PDE3B: variants seen among roughly 807,000 people sequenced by gnomAD.
The protein encoded by PDE3B is cGMP-inhibited 3',5'-cyclic phosphodiesterase 3B.
Under a neutral mutation model 116.8 loss-of-function variants are expected in PDE3B, and 66 were observed. The observed-to-expected ratio is 0.56, with a 90% CI of 0.46 to 0.69. PDE3B has a LOEUF of 0.69. Among genes scored for constraint, PDE3B ranks in the 30% least tolerant of loss-of-function variants. The probability of loss-of-function intolerance (pLI) is 0.00; values close to 1 mark genes in which losing one functional copy is unlikely to be tolerated. For missense variants in PDE3B, 1,384 were observed against 1,368.1 expected (o/e 1.01, Z -0.18); for synonymous variants, 595 against 533.6 (o/e 1.12, Z -1.59).
intron 2 of PDE3B, chr11:14,775,361 A>G (rs994361496): frequency 6.6e-6 from 1 of 152,128 alleles, no homozygotes; most frequent in African/African-American, 2.4e-5. Flanking sequence ...CATTTTGTGC[A>G]GTACACTTCC....
In PDE3B at chr11:14,867,747, A is replaced by G; in HGVS notation, c.3128A>G (p.Asn1043Ser). The G allele has an allele frequency of 6.2e-7, 1 of 1,605,764 alleles. No homozygotes were observed. Among genetic ancestry groups the G allele is most frequent in the Non-Finnish European group, 8.5e-7 (1 of 1,172,530 alleles). The change falls in exon 15 of 16, where the codon AAT becomes AGT. Residue 1043 changes from asparagine to serine, a missense_variant. By Grantham distance (46) the Asn-to-Ser change is conservative. Around this residue, in one of 2 missense-constraint regions of PDE3B, gnomAD observed 428 missense variants for 561.4 expected, o/e 0.76. Coordinates refer to ENST00000282096, the MANE Select transcript of PDE3B (RefSeq NM_000922.4). ...ACAGAAGATGAAGAAATGGAAAACA[A>G]TCTAAATCCAAGTAAGAATATAGGG... ...LDTEDEEMEN[N>S]LNPKPPRRKS...
At chr11:14,680,258 G>T (rs1435440759) in intron 1 of PDE3B, among the ~76,000 whole-genome samples, 1 of 152,168 alleles carries the variant, frequency 6.6e-6, no homozygotes, top group Non-Finnish European at 1.5e-5. Context: ...TTTGGCCCCA[G>T]TATTGTTTGG....
rs534720682 is a variant in PDE3B at position 14,787,474 on chromosome 11, T to C, written c.1278+789T>C. Among the ~76,000 whole-genome samples, 3 of 152,076 alleles carry C rather than the reference T, an allele frequency of 2.0e-5. No individual in the cohort carries two copies. In the South Asian group the frequency reaches 6.2e-4, roughly 32 times the overall value. On this transcript the variant is annotated intron_variant, in intron 3 of 15. Transcript: ENST00000282096. ...TTAATTTTGTCAATTGTAATAATGC[T>C]TATAGAACTTAGAAATAGGTAAATA...
the PDE3B span, chr11:14,891,674 C>CG: frequency 1.7e-6 from 2 of 1,164,060 alleles, no homozygotes; most frequent in Admixed American, 4.7e-5. Flanking sequence ...GCGCGGCTGG[C>CG]GAGCCAAACG....
At chr11:14,836,321 A>T (rs1860051941) in intron 11 of PDE3B, among the ~76,000 whole-genome samples, 1 of 151,856 alleles carries the variant, frequency 6.6e-6, no homozygotes, top group Non-Finnish European at 1.5e-5. Flanking sequence ...ATATTGAGAA[A>T]TATAATATAT....
intron 1 of PDE3B, among the ~76,000 whole-genome samples, chr11:14,658,414 T>C (rs1853780776): frequency 6.6e-6 from 1 of 152,182 alleles, no homozygotes; most frequent in African/African-American, 2.4e-5. Flanking sequence ...TGAAGTGCAA[T>C]GGCACTATCT....
At chr11:14,760,707 G>A (rs1327685688) in intron 1 of PDE3B, among the ~76,000 whole-genome samples, 6 of 151,930 alleles carry the variant, frequency 3.9e-5, no homozygotes, top group Admixed American at 6.6e-5. Context: ...ATTCTCTTTC[G>A]CATTGCTTAG....
chr11:14,683,665 C>G (rs1854781079), intron 1 of PDE3B, among the ~76,000 whole-genome samples: 1 of 151,824 alleles, frequency 6.6e-6, no homozygotes. Flanking sequence ...TGTTATCACT[C>G]TTATTGATGG....
chr11:14,673,870 A>T (rs2133784801), intron 1 of PDE3B: 2 of 1,418,710 alleles, frequency 1.4e-6, no homozygotes, highest in Non-Finnish European at 1.0e-6. Flanking sequence ...TGGGTGCCCA[A>T]CATTACGTTG....
intron 5 of PDE3B, among the ~76,000 whole-genome samples, chr11:14,812,526 G>C (rs976167074): frequency 6.6e-6 from 1 of 152,092 alleles, no homozygotes; most frequent in Non-Finnish European, 1.5e-5. Flanking sequence ...TTAAAAATCT[G>C]TTAAGCTTAC....
In PDE3B at chr11:14,749,125, G is replaced by A. The variant is rs867141768; in HGVS notation, c.979-22812G>A. Among the ~76,000 whole-genome samples, 7 of 152,280 alleles carry A rather than the reference G, an allele frequency of 4.6e-5. No homozygotes were observed. The South Asian group carries it at 1.4e-3, about 32-fold the overall frequency. On this transcript the variant is annotated intron_variant, in intron 1 of 15. Coordinates refer to ENST00000282096, the MANE Select transcript of PDE3B (RefSeq NM_000922.4). The stretch of plus-strand genomic sequence containing the variant: ...GCTGGTGTCAAACTCTTGGCCTCAA[G>A]TGATGCACCTGCCTCGGCTTCCCAA...
chr11:14,815,683 C>T (rs1271736028), intron 5 of PDE3B, among the ~76,000 whole-genome samples: 1 of 151,976 alleles, frequency 6.6e-6, no homozygotes, highest in Non-Finnish European at 1.5e-5. Context: ...AGAAGCTAGT[C>T]ACAGGTGTTT....
chr11:14,824,130 A>G (rs1859613708), intron 7 of PDE3B, among the ~76,000 whole-genome samples: 1 of 152,176 alleles, frequency 6.6e-6, no homozygotes, highest in Non-Finnish European at 1.5e-5. Context: ...ACTCTAGCAC[A>G]AACACGCTGT....
intron 1 of PDE3B, among the ~76,000 whole-genome samples, chr11:14,714,148 C>A (rs1328073455): frequency 6.6e-6 from 1 of 151,822 alleles, no homozygotes; most frequent in African/African-American, 2.4e-5. Flanking sequence ...GTTAATCTAA[C>A]CTGAGATCAT....
At position 14,733,496 on chromosome 11, in the gene PDE3B, G is replaced by C. The variant is rs113665340; in HGVS notation, c.979-38441G>C. Among the ~76,000 whole-genome samples, 877 of 152,242 alleles carry C rather than the reference G, an allele frequency of 5.8e-3. 10 individuals carry two copies. The highest frequency in any genetic ancestry group is 0.02 in the African/African-American group (849 of 41,562). On this transcript the variant is annotated intron_variant, in intron 1 of 15. Coordinates refer to ENST00000282096, the MANE Select transcript of PDE3B (RefSeq NM_000922.4). Reference sequence around the variant, plus strand: ...TGAAATCTTGGTGAATTAAATTCATGAATGCTACCATAGTGATTTTATTAA... The same window carrying C: ...TGAAATCTTGGTGAATTAAATTCATCAATGCTACCATAGTGATTTTATTAA...
intron 1 of PDE3B, among the ~76,000 whole-genome samples, chr11:14,747,050 A>G (rs1856927767): frequency 6.6e-6 from 1 of 152,316 alleles, no homozygotes; most frequent in South Asian, 2.1e-4. Flanking sequence ...GTGGAAGGCA[A>G]AGGCGGAGGA....
chr11:14,740,338 A>C (rs1004029085), intron 1 of PDE3B, among the ~76,000 whole-genome samples: 2 of 152,128 alleles, frequency 1.3e-5, no homozygotes, highest in African/African-American at 4.8e-5. Context: ...GGGAGGGTGT[A>C]TGTGTCCGGG....
chr11:14,862,342 A>C (rs1328861179), intron 14 of PDE3B, among the ~76,000 whole-genome samples: 1 of 152,170 alleles, frequency 6.6e-6, no homozygotes, highest in Non-Finnish European at 1.5e-5. Flanking sequence ...TTCAACCCTG[A>C]GATTCTGTAA....
chr11:14,828,048 AAAAC>A (rs1565154923), intron 7 of PDE3B, among the ~76,000 whole-genome samples: 2 of 152,336 alleles, frequency 1.3e-5, no homozygotes, highest in African/African-American at 4.8e-5. Context: ...AAAGCCAACA[AAAAC>A]AAGCCCATTA....
Sources: allele counts gnomAD v4.1 joint callset (sites outside exome capture counted in the v4.1 genomes callset), GRCh38; gene constraint gnomAD v4.1.1; regional missense constraint gnomAD v4.1.1; transcripts MANE v1.5; gene names NCBI Gene and HGNC (gene_info 2026-07-23, HGNC 2026-07-21).